FHIT: variants seen among roughly 807,000 people sequenced by gnomAD.
FHIT encodes fragile histidine triad diadenosine triphosphatase, also known as bis(5'-adenosyl)-triphosphatase.
FHIT carries 19 observed loss-of-function variants against 17.9 expected under a neutral mutation model. That is an observed-to-expected ratio of 1.06 (90% CI 0.74 to 1.56). The LOEUF (loss-of-function observed/expected upper bound fraction) is 1.56, where lower values mean the gene tolerates loss of function less well. Ranked by LOEUF, FHIT falls within the 40% of genes most tolerant of loss-of-function variation. FHIT has a pLI of 0.00. For synonymous variants in FHIT, 81 were observed against 69.7 expected (o/e 1.16, Z -0.81); for missense variants, 248 against 189.2 (o/e 1.31, Z -1.82).
At chr3:60,557,240 G>A (rs73834218) in intron 4 of FHIT, among the ~76,000 whole-genome samples, 1,975 of 152,194 alleles carry the variant, frequency 0.013, 64 homozygotes, top group African/African-American at 0.045. Flanking sequence ...TGATGGAGCC[G>A]AGATTTGTAC....
At chr3:60,538,435 A>C (rs978694408) in intron 4 of FHIT, among the ~76,000 whole-genome samples, 1 of 152,304 alleles carries the variant, frequency 6.6e-6, no homozygotes, top group Non-Finnish European at 1.5e-5. Flanking sequence ...ATTGGAAAAA[A>C]ACTACTCTAA....
chr3:60,231,880 T>C (rs1704512968), intron 5 of FHIT, among the ~76,000 whole-genome samples: 1 of 152,304 alleles, frequency 6.6e-6, no homozygotes, highest in Admixed American at 6.5e-5. Flanking sequence ...AGGGAGATTA[T>C]CCTGGGTGGA....
chr3:60,124,199 T>G (rs559400124), intron 5 of FHIT, among the ~76,000 whole-genome samples: 63 of 151,028 alleles, frequency 4.2e-4, no homozygotes, highest in African/African-American at 1.4e-3. Flanking sequence ...ATTACAGGCA[T>G]GAACCACTGC....
At chr3:59,849,240 G>A (rs1701838794) in intron 8 of FHIT, among the ~76,000 whole-genome samples, 1 of 152,182 alleles carries the variant, frequency 6.6e-6, no homozygotes, top group African/African-American at 2.4e-5. Flanking sequence ...AGGTGTTGTG[G>A]TGCACGTCTG....
chr3:60,914,466 C>T (rs868956756), intron 3 of FHIT, among the ~76,000 whole-genome samples: 3 of 150,494 alleles, frequency 2.0e-5, no homozygotes, highest in South Asian at 4.2e-4. Context: ...CATGGAAGGA[C>T]GGTTGTGCAG....
At chr3:60,736,915 C>T (rs782178868) in intron 4 of FHIT, among the ~76,000 whole-genome samples, 3 of 152,044 alleles carry the variant, frequency 2.0e-5, no homozygotes, top group Non-Finnish European at 4.4e-5. Flanking sequence ...CTTGTTGGAG[C>T]CTAAGGAAAA....
intron 4 of FHIT, among the ~76,000 whole-genome samples, chr3:60,791,627 A>C (rs1553728485): frequency 6.6e-6 from 1 of 152,196 alleles, no homozygotes; most frequent in African/African-American, 2.4e-5. Flanking sequence ...AGGACAGAGA[A>C]CATGAACACA....
At chr3:60,783,183 G>A (rs1373470331) in intron 4 of FHIT, among the ~76,000 whole-genome samples, 2 of 151,854 alleles carry the variant, frequency 1.3e-5, no homozygotes, top group African/African-American at 4.8e-5. Flanking sequence ...GTTTCGCCAT[G>A]TTGCCCAGGC....
At chr3:60,677,195 A>C (rs574287955) in intron 4 of FHIT, among the ~76,000 whole-genome samples, 1 of 152,264 alleles carries the variant, frequency 6.6e-6, no homozygotes, top group African/African-American at 2.4e-5. Context: ...AATTACGTAA[A>C]TTAAAGGGGT....
intron 5 of FHIT, among the ~76,000 whole-genome samples, chr3:60,475,774 G>T (rs1178891238): frequency 1.3e-5 from 2 of 152,118 alleles, no homozygotes; most frequent in African/African-American, 4.8e-5. Flanking sequence ...CTGAGCTGAC[G>T]CCACAAGTGG....
At chr3:61,217,835 T>G (rs1341290838) in intron 1 of FHIT, among the ~76,000 whole-genome samples, 2 of 152,230 alleles carry the variant, frequency 1.3e-5, no homozygotes, top group Non-Finnish European at 2.9e-5. Context: ...CTTATTATAA[T>G]GCATTAAAGT....
chr3:60,084,974 T>C (rs900984376), intron 5 of FHIT, among the ~76,000 whole-genome samples: 2 of 152,160 alleles, frequency 1.3e-5, no homozygotes, highest in Non-Finnish European at 2.9e-5. Flanking sequence ...TCTTCTTTTC[T>C]ATATGTTGGA....
chr3:60,984,090 T>C (rs1361726237), intron 3 of FHIT, among the ~76,000 whole-genome samples: 2 of 152,172 alleles, frequency 1.3e-5, no homozygotes, highest in Non-Finnish European at 2.9e-5. Context: ...CTGTGGATCT[T>C]CTTGATATTG....
chr3:60,473,893 G>C (rs1559943642), intron 5 of FHIT, among the ~76,000 whole-genome samples: 2 of 151,460 alleles, frequency 1.3e-5, no homozygotes, highest in Admixed American at 1.3e-4. Context: ...ATTGCACTCT[G>C]GCCTGGGTGA....
intron 5 of FHIT, among the ~76,000 whole-genome samples, chr3:60,214,597 C>T (rs552814006): frequency 6.6e-6 from 1 of 152,250 alleles, no homozygotes; most frequent in East Asian, 1.9e-4. Flanking sequence ...CTGTGGAAAG[C>T]AGTGTGGAAA....
chr3:61,242,737 G>C, intron 1 of FHIT, among the ~76,000 whole-genome samples: 1 of 152,302 alleles, frequency 6.6e-6, no homozygotes, highest in Non-Finnish European at 1.5e-5. Flanking sequence ...GGGGAGTGCT[G>C]ATCGGTCGAA....
At chr3:61,073,460 G>A (rs375200571) in intron 2 of FHIT, among the ~76,000 whole-genome samples, 103 of 152,284 alleles carry the variant, frequency 6.8e-4, no homozygotes, top group African/African-American at 2.4e-3. Context: ...GATCCTGATG[G>A]AGAAGAATAA....
chr3:59,800,505 T>C (rs1457827158), intron 8 of FHIT, among the ~76,000 whole-genome samples: 1 of 152,192 alleles, frequency 6.6e-6, no homozygotes, highest in Non-Finnish European at 1.5e-5. Flanking sequence ...GCCCGGGCTT[T>C]TACTCCTGGT....
At chr3:60,938,985 G>A (rs1396509899) in intron 3 of FHIT, among the ~76,000 whole-genome samples, 1 of 152,154 alleles carries the variant, frequency 6.6e-6, no homozygotes, top group Non-Finnish European at 1.5e-5. Flanking sequence ...GAAAACTATA[G>A]GTGGATAATC....
Sources: gnomAD v4.1 joint callset for allele counts (sites outside exome capture counted in the v4.1 genomes callset) on GRCh38, gnomAD v4.1.1 for gene constraint, MANE v1.5 for transcripts, NCBI Gene and HGNC (gene_info 2026-07-23, HGNC 2026-07-21) for gene names.